The following RIBC2 variants were observed in gnomAD, a reference collection of about 807,000 sequenced individuals.
RIBC2 encodes the protein RIB43A-like with coiled-coils protein 2.
Under a neutral mutation model 44.3 loss-of-function variants are expected in RIBC2, and 40 were observed. The ratio of observed to expected loss-of-function variants is 0.90; its 90% CI spans 0.70 to 1.18. The LOEUF (loss-of-function observed/expected upper bound fraction) is 1.18. RIBC2 is among the 50% of genes most tolerant of loss of function. The pLI is 0.00. For missense variants in RIBC2, 459 were observed against 485.5 expected, an observed-to-expected ratio of 0.95 and a Z score of 0.51; for synonymous variants, 171 against 175.0, an observed-to-expected ratio of 0.98 and a Z score of 0.18.
chr22:45,430,776 C>T (rs1602123116), intron 5 of RIBC2, 124 bp from the exon 6 acceptor site: 4 of 1,234,652 alleles, frequency 3.2e-6, no homozygotes, highest in Middle Eastern at 5.8e-4. Flanking sequence ...CGGTCACCTA[C>T]CTGCTCGTCC....
intron 2 of RIBC2, among the ~76,000 whole-genome samples, chr22:45,416,452 A>G (rs981047621): frequency 2.0e-5 from 3 of 151,826 alleles, no homozygotes; most frequent in Non-Finnish European, 2.9e-5. Flanking sequence ...AGCAAATGAG[A>G]GGTTTTTGTT....
chr22:45,417,977 A>G, intron 3 of RIBC2, 31 bp downstream of exon 3: 1 of 1,469,860 alleles, frequency 6.8e-7, no homozygotes. Context: ...AGCTGGTCTC[A>G]ACGCTCTCTT....
intron 2 of RIBC2, among the ~76,000 whole-genome samples, chr22:45,414,695 A>G (rs1263273220): frequency 6.6e-6 from 1 of 152,046 alleles, no homozygotes; most frequent in Non-Finnish European, 1.5e-5. Flanking sequence ...TTCCTTTTAA[A>G]TTTCACAATT....
chr22:45,419,857 T>G (rs574898460), intron 3 of RIBC2, among the ~76,000 whole-genome samples: 53 of 151,544 alleles, frequency 3.5e-4, no homozygotes, highest in Non-Finnish European at 5.6e-4. Context: ...AAACCCCATC[T>G]CTACTAAAAA....
intron 3 of RIBC2, chr22:45,418,191 C>T (rs1021740309): frequency 2.8e-6 from 1 of 362,810 alleles, no homozygotes; most frequent in East Asian, 4.3e-5. Flanking sequence ...ACACCTCAGT[C>T]ATGTGGAAAA....
intron 2 of RIBC2, among the ~76,000 whole-genome samples, chr22:45,416,899 GTT>G (rs34961526): frequency 2.2e-4 from 26 of 120,616 alleles, no homozygotes; most frequent in South Asian, 5.5e-4. Flanking sequence ...GATTACTCAG[GTT>G]TTTTTTTTTT....
In RIBC2 at chr22:45,418,278, G is replaced by A. The variant is rs376386471; in HGVS notation, c.556+332G>A. ...GAATCGGTCCCTGCCCTCCCAGTCT[G>A]CGGGGAAGGTGAATGGGAAAGATGC... On this transcript the variant is annotated intron_variant, in intron 3 of 6. Coordinates refer to ENST00000614167, the MANE Select transcript of RIBC2 (RefSeq NM_015653.5). The A allele has an allele frequency of 4.2e-5, 8 of 188,584 alleles. No homozygotes were observed. In the East Asian group the frequency reaches 1.0e-3, roughly 24 times the overall value. 11.7% of individuals were successfully genotyped at this position (188,584 alleles called of 1,614,324 possible).
chr22:45,414,105 AAC>A lies in RIBC2; in HGVS notation c.129+92_129+93del. ...GGAAAGGAGATGAGTTCTAGGATGA[AAC>A]ATCTGAGCCAGGAGGCAGCAAACGG... On this transcript the variant is annotated intron_variant, in intron 1 of 6. Coordinates refer to ENST00000614167, the MANE Select transcript of RIBC2 (RefSeq NM_015653.5). 25 of 1,510,784 alleles carry A rather than the reference AAC, an allele frequency of 1.7e-5. No homozygotes were observed. The South Asian group carries it at 3.1e-4, about 19-fold the overall frequency. The allele number at this position is 1,510,784 out of a possible 1,614,324, so 93.6% of individuals were successfully genotyped here.
intron 1 of RIBC2, 117 bp downstream of exon 1, chr22:45,414,132 G>A: frequency 6.7e-7 from 1 of 1,486,610 alleles, no homozygotes; most frequent in Non-Finnish European, 9.0e-7. Flanking sequence ...GCAGCAAACG[G>A]CCTCCTGCAG....
In RIBC2 at chr22:45,422,390, A is replaced by G. The variant is rs1458578037; in HGVS notation, c.657A>G (p.Lys219=). The change falls in exon 4 of 7, where the codon AAA becomes AAG. Residue 219 remains lysine, a synonymous_variant. Transcript: ENST00000614167. The part of the protein sequence containing the change: ...TTRKAVCASV[K]DFNKSQAIES... Reference sequence around the variant, plus strand: ...GAAAGGCAGTTTGTGCATCTGTGAAAGACTTCAACAAGAGCCAGGTATAGG... The same window carrying G: ...GAAAGGCAGTTTGTGCATCTGTGAAGGACTTCAACAAGAGCCAGGTATAGG... 6.2e-7 allele frequency: 1 copy of G among 1,613,862 alleles called. No homozygotes were observed. Among genetic ancestry groups the G allele is most frequent in the Non-Finnish European group, 8.5e-7 (1 of 1,179,842 alleles).
At position 45,423,894 on chromosome 22, in the gene RIBC2, A is replaced by G. The variant is rs117236339; in HGVS notation, c.675+1486A>G. On this transcript the variant is annotated intron_variant, in intron 4 of 6. Transcript: ENST00000614167. Reference sequence around the variant, plus strand: ...ATGTGGGGCCCTTGACAATTAGTCCACTGTTGGCTGGTGATCTGCTCATTC... The same window carrying G: ...ATGTGGGGCCCTTGACAATTAGTCCGCTGTTGGCTGGTGATCTGCTCATTC... 3.3e-5 allele frequency among the ~76,000 whole-genome samples: 5 copies of G among 152,298 alleles called. No homozygotes were observed. In the East Asian group the frequency reaches 9.6e-4, roughly 29 times the overall value.
At chr22:45,414,076 A>AG in intron 1 of RIBC2, 61 bp downstream of exon 1, 1 of 1,539,868 alleles carries the variant, frequency 6.5e-7, no homozygotes, top group Non-Finnish European at 8.8e-7. Flanking sequence ...GGCTGCGTGG[A>AG]GGGGGAAAGG....
rs2087439695 is a variant in RIBC2, at chr22:45,417,787, GATA to G, written c.400_402del (p.Asn134del). On this transcript the variant is annotated inframe_deletion, in exon 3 of 7. Coordinates refer to ENST00000614167, the MANE Select transcript of RIBC2 (RefSeq NM_015653.5). ...GAAAGATCTTCCAGCCCGGCAGTCAGATAATGATGTTCGGAATACGATATCAGG... is the reference window on the plus strand; with the variant it reads ...GAAAGATCTTCCAGCCCGGCAGTCAGATGATGTTCGGAATACGATATCAGG... 1.9e-6 allele frequency: 3 copies of G among 1,614,036 alleles called. No individual in the cohort carries two copies. The highest frequency in any genetic ancestry group is 2.5e-6 in the Non-Finnish European group (3 of 1,180,042).
rs368242249 is a variant in RIBC2, at chr22:45,431,104, G to A, written c.1070+38G>A. On this transcript the variant is annotated intron_variant, in intron 6 of 6. Coordinates refer to ENST00000614167, the MANE Select transcript of RIBC2 (RefSeq NM_015653.5). ...TGGGACCAGGGCCAGGTGGGGGACC[G>A]GGTGGAGGGACCGCGGGGCTGTGGA... 1.3e-4 allele frequency: 201 copies of A among 1,554,092 alleles called. No individual in the cohort carries two copies. The African/African-American group carries it at 1.9e-3, about 15-fold the overall frequency.
intron 2 of RIBC2, among the ~76,000 whole-genome samples, chr22:45,416,839 A>G (rs2087429614): frequency 6.7e-6 from 1 of 150,126 alleles, no homozygotes; most frequent in Non-Finnish European, 1.5e-5. Context: ...CCTTCGATTC[A>G]TTGGATGTTT....
chr22:45,430,632 G>T (rs1373696456), intron 5 of RIBC2, among the ~76,000 whole-genome samples: 2 of 152,210 alleles, frequency 1.3e-5, no homozygotes, highest in African/African-American at 2.4e-5. Context: ...GGGAGTGGAG[G>T]CTGCTGTAGG....
At chr22:45,418,035 G>GTTTTT in intron 3 of RIBC2, 89 bp downstream of exon 3, 14 of 440,804 alleles carry the variant, frequency 3.2e-5, no homozygotes, top group East Asian at 9.1e-5. Flanking sequence ...CAACCCTACA[G>GTTTTT]TTTTTTTTTT....
intron 3 of RIBC2, among the ~76,000 whole-genome samples, chr22:45,421,722 G>A (rs2087487068): frequency 6.6e-6 from 1 of 151,792 alleles, no homozygotes; most frequent in Non-Finnish European, 1.5e-5. Flanking sequence ...TCTGGGCTGG[G>A]ATGTGAGCCT....
At chr22:45,426,311 C>T (rs1226865543) in intron 5 of RIBC2, 136 bp downstream of exon 5, 9 of 717,912 alleles carry the variant, frequency 1.3e-5, no homozygotes, top group South Asian at 3.7e-5. Flanking sequence ...CCCTTCTAGT[C>T]GGTGGGAGAC....
Sources: allele counts gnomAD v4.1 joint callset (sites outside exome capture counted in the v4.1 genomes callset), GRCh38; gene constraint gnomAD v4.1.1; transcripts MANE v1.5; gene names NCBI Gene and HGNC (gene_info 2026-07-23, HGNC 2026-07-21).